WDFY4: variants seen among roughly 807,000 people sequenced by gnomAD.
The protein encoded by WDFY4 is WDFY family member 4, also known as WD repeat- and FYVE domain-containing protein 4.
WDFY4 carries 169 observed loss-of-function variants against 351.9 expected under a neutral mutation model. That is an observed-to-expected ratio of 0.48 (90% CI 0.42 to 0.55). WDFY4 has a LOEUF of 0.55. WDFY4 is among the 20% of genes least tolerant of loss of function. WDFY4 has a pLI of 0.00. For synonymous variants in WDFY4, 1,622 were observed against 1,574.6 expected (o/e 1.03, Z -0.71); for missense variants, 3,803 against 3,935.6 (o/e 0.97, Z 0.90).
chr10:48,886,048 G>A (rs140492846), intron 43 of WDFY4, among the ~76,000 whole-genome samples: 2 of 152,280 alleles, frequency 1.3e-5, no homozygotes, highest in East Asian at 3.9e-4. Flanking sequence ...GATGATAAAT[G>A]GGAGCAGGGC....
At chr10:48,868,898 T>G (rs1469122461) in intron 40 of WDFY4, among the ~76,000 whole-genome samples, 5 of 152,134 alleles carry the variant, frequency 3.3e-5, no homozygotes, top group African/African-American at 1.2e-4. Flanking sequence ...TGCAACTCCC[T>G]CAAGCCCAGA....
intron 2 of WDFY4, among the ~76,000 whole-genome samples, chr10:48,717,668 C>G (rs971351376): frequency 1.3e-5 from 2 of 152,186 alleles, no homozygotes; most frequent in Non-Finnish European, 2.9e-5. Flanking sequence ...CTGTAATATA[C>G]TTTTACAACT....
At position 48,970,124 on chromosome 10, in the gene WDFY4, C is replaced by G; in HGVS notation, c.8770-7C>G. 1 of 1,551,386 alleles carries G rather than the reference C, an allele frequency of 6.4e-7. No homozygotes were observed. The highest frequency in any genetic ancestry group is 8.7e-7 in the Non-Finnish European group (1 of 1,146,940). ...ACAGCAGCGCTCATCCCCCTTATCT[C>G]CTACAGGTCCTGATGACATTCGAGA... On this transcript the variant is annotated splice_region_variant and splice_polypyrimidine_tract_variant and intron_variant, in intron 56 of 61. Coordinates refer to ENST00000325239, the MANE Select transcript of WDFY4 (RefSeq NM_001394531.1).
chr10:48,946,238 G>T (rs896865379), intron 50 of WDFY4, 81 bp downstream of exon 50: 104 of 1,100,418 alleles, frequency 9.5e-5, no homozygotes, highest in Non-Finnish European at 1.3e-4. Flanking sequence ...AATTAAGGTG[G>T]TCACCTAGCC....
chr10:48,773,454 C>T (rs972896491), intron 13 of WDFY4, among the ~76,000 whole-genome samples: 1 of 152,200 alleles, frequency 6.6e-6, no homozygotes, highest in African/African-American at 2.4e-5. Context: ...CTTTATCCAG[C>T]CTGGGAAGGA....
intron 43 of WDFY4, chr10:48,883,964 A>G (rs2070357903): frequency 6.6e-6 from 1 of 152,222 alleles, no homozygotes; most frequent in South Asian, 2.1e-4. Flanking sequence ...GTTTGACTTG[A>G]GGAGTGACTG....
intron 2 of WDFY4, among the ~76,000 whole-genome samples, chr10:48,715,111 T>C (rs2063866285): frequency 6.6e-6 from 1 of 152,260 alleles, no homozygotes; most frequent in Non-Finnish European, 1.5e-5. Context: ...TCCAAGGCCC[T>C]GACCTTGAGG....
chr10:48,730,842 A>G (rs904651709), intron 8 of WDFY4, among the ~76,000 whole-genome samples: 1 of 152,176 alleles, frequency 6.6e-6, no homozygotes, highest in Non-Finnish European at 1.5e-5. Context: ...TTTCCTTTGT[A>G]TTATCTTTTT....
intron 14 of WDFY4, 114 bp downstream of exon 14, chr10:48,774,786 C>G (rs2065975001): frequency 2.3e-6 from 3 of 1,313,466 alleles, no homozygotes; most frequent in Non-Finnish European, 3.2e-6. Context: ...GGGCACGGCT[C>G]TGTCCTGGCA....
At chr10:48,695,078 C>T (rs2063297408) in intron 1 of WDFY4, among the ~76,000 whole-genome samples, 1 of 152,186 alleles carries the variant, frequency 6.6e-6, no homozygotes, top group South Asian at 2.1e-4. Flanking sequence ...GAGCAGTAGC[C>T]CCAGTGGCTT....
At chr10:48,902,342 C>G (rs1053097596) in intron 47 of WDFY4, among the ~76,000 whole-genome samples, 2 of 152,076 alleles carry the variant, frequency 1.3e-5, no homozygotes, top group Non-Finnish European at 2.9e-5. Context: ...TGCTTGCAGT[C>G]CCCCCCGCCG....
intron 13 of WDFY4, among the ~76,000 whole-genome samples, chr10:48,762,373 G>T (rs1176878991): frequency 1.3e-5 from 2 of 152,234 alleles, no homozygotes; most frequent in Non-Finnish European, 2.9e-5. Flanking sequence ...TCCTGCTCCT[G>T]TTCCCCTGCT....
intron 57 of WDFY4, among the ~76,000 whole-genome samples, chr10:48,974,519 A>AAAAAAAAAAACAAC (rs1842472411): frequency 2.0e-5 from 1 of 49,970 alleles, no homozygotes; most frequent in Non-Finnish European, 3.6e-5. Context: ...AAAAAAAAAA[A>AAAAAAAAAAACAAC]AAAAAAAAAA....
At chr10:48,691,114 A>T (rs1472374725) in intron 1 of WDFY4, among the ~76,000 whole-genome samples, 2 of 151,968 alleles carry the variant, frequency 1.3e-5, no homozygotes, top group East Asian at 3.9e-4. Flanking sequence ...CCTGATCCTC[A>T]CTGGGTCCAG....
At position 48,757,401 on chromosome 10, in the gene WDFY4, A is replaced by G. The variant is rs144342627; in HGVS notation, c.2460-2946A>G. Among the ~76,000 whole-genome samples, 60 of 152,180 alleles carry G rather than the reference A, an allele frequency of 3.9e-4. No homozygotes were observed. The East Asian group carries it at 0.011, about 27-fold the overall frequency. Reference sequence around the variant, plus strand: ...TATTATGAGTCATTTTCCTTGCTCTAAAGTCTGTTTTCCCTGATATGAGTA... The same window carrying G: ...TATTATGAGTCATTTTCCTTGCTCTGAAGTCTGTTTTCCCTGATATGAGTA... On this transcript the variant is annotated intron_variant, in intron 12 of 61. Transcript: ENST00000325239.
In WDFY4 at chr10:48,812,485, C is replaced by T. The variant is rs1332692671; in HGVS notation, c.5214+777C>T. The stretch of plus-strand genomic sequence containing the variant: ...GATTACAGGCGTGACCCACCGCACC[C>T]GGCCCCCTTTCTTCCTTTTGTATTT... On this transcript the variant is annotated intron_variant, in intron 30 of 61. Coordinates refer to ENST00000325239, the MANE Select transcript of WDFY4 (RefSeq NM_001394531.1). Among the ~76,000 whole-genome samples the T allele has an allele frequency of 1.1e-4, 17 of 152,144 alleles. 1 individual carries two copies. The highest frequency in any genetic ancestry group is 6.2e-4 in the South Asian group (3 of 4,820).
chr10:48,788,780 A>G, intron 21 of WDFY4, 105 bp downstream of exon 21: 1 of 1,396,212 alleles, frequency 7.2e-7, no homozygotes. Flanking sequence ...GCACTTGTGT[A>G]GATGGATACA....
chr10:48,731,106 T>G lies in WDFY4; in HGVS notation c.1130-4T>G. ...TGTAAGATCATTCTTGTTTTCCTCCTCAGGGGTGACTGTTAAGAATCTTCA... is the reference window on the plus strand; with the variant it reads ...TGTAAGATCATTCTTGTTTTCCTCCGCAGGGGTGACTGTTAAGAATCTTCA... On this transcript the variant is annotated splice_region_variant and splice_polypyrimidine_tract_variant and intron_variant, in intron 8 of 61. Coordinates refer to ENST00000325239, the MANE Select transcript of WDFY4 (RefSeq NM_001394531.1). 1 of 1,533,700 alleles carries G rather than the reference T, an allele frequency of 6.5e-7. No individual in the cohort carries two copies. The highest frequency in any genetic ancestry group is 8.8e-7 in the Non-Finnish European group (1 of 1,135,990).
chr10:48,796,427 C>T lies in WDFY4; in HGVS notation c.4387C>T (p.Gln1463Ter). The T allele has an allele frequency of 6.4e-7, 1 of 1,551,774 alleles. No homozygotes were observed. The highest frequency in any genetic ancestry group is 8.7e-7 in the Non-Finnish European group (1 of 1,147,052). ...TGCTATCACCAACACTGGTGTCTTC[C>T]AGCACATCCTCTGCAATTTCGAGGT... ...SSAITNTGVFQHILCNFELWM... is the reference protein window; with the variant it reads ...SSAITNTGVF Residue 1463 changes from glutamine to a stop codon, truncating the protein, a stop_gained, in exon 24 of 62, where the codon CAG becomes TAG. Coordinates refer to ENST00000325239, the MANE Select transcript of WDFY4 (RefSeq NM_001394531.1). LOFTEE classifies it high-confidence loss of function.
Sources: allele counts gnomAD v4.1 joint callset (sites outside exome capture counted in the v4.1 genomes callset), GRCh38; gene constraint gnomAD v4.1.1; transcripts MANE v1.5; gene names NCBI Gene and HGNC (gene_info 2026-07-23, HGNC 2026-07-21).